TMPRSS3: variants seen among roughly 807,000 people sequenced by gnomAD.
TMPRSS3 encodes the protein transmembrane protease serine 3.
TMPRSS3 carries 55 observed loss-of-function variants against 59.6 expected under a neutral mutation model. The observed-to-expected ratio is 0.92, with a 90% CI of 0.74 to 1.16. The LOEUF (loss-of-function observed/expected upper bound fraction) is 1.16. Ranked by LOEUF, TMPRSS3 falls within the 50% of genes most tolerant of loss-of-function variation. The pLI is 0.00. For synonymous variants in TMPRSS3, 257 were observed against 237.7 expected, an observed-to-expected ratio of 1.08 and a Z score of -0.75; for missense variants, 596 against 579.4, an observed-to-expected ratio of 1.03 and a Z score of -0.29.
intron 7 of TMPRSS3, chr21:42,383,760 C>T (rs2052577187): frequency 1.4e-6 from 1 of 714,788 alleles, no homozygotes; most frequent in Admixed American, 2.0e-5. Context: ...ATGAGTTGCT[C>T]TGGCTGTCTC....
chr21:42,395,440 A>T lies in TMPRSS3; in HGVS notation c.-23T>A. The T allele has an allele frequency of 6.2e-7, 1 of 1,605,314 alleles. No individual in the cohort carries two copies. The highest frequency in any genetic ancestry group is 1.3e-5 in the African/African-American group (1 of 74,864). ...CATGGTGACTATTTCAGGACCTCTG[A>T]CATCCGGCTCCGCCTCCACCTCTAC... On this transcript the variant is annotated 5_prime_UTR_variant, in exon 2 of 13. Transcript: ENST00000644384.
intron 10 of TMPRSS3, 135 bp downstream of exon 10, chr21:42,379,982 A>G: frequency 1.4e-6 from 1 of 733,892 alleles, no homozygotes; most frequent in Non-Finnish European, 2.4e-6. Flanking sequence ...TGTCCCGAGC[A>G]GCTGACATGC....
intron 12 of TMPRSS3, among the ~76,000 whole-genome samples, chr21:42,374,391 G>A (rs1909154092): frequency 6.6e-6 from 1 of 152,236 alleles, no homozygotes; most frequent in South Asian, 2.1e-4. Context: ...CTGTGCCCGT[G>A]GGCACCATTC....
At chr21:42,378,689 T>C (rs2052470423) in intron 10 of TMPRSS3, among the ~76,000 whole-genome samples, 1 of 152,194 alleles carries the variant, frequency 6.6e-6, no homozygotes, top group South Asian at 2.1e-4. Flanking sequence ...CTCAACTGCG[T>C]GTGGAAATAA....
chr21:42,383,473 A>G, intron 7 of TMPRSS3: 7 of 567,920 alleles, frequency 1.2e-5, no homozygotes, highest in Non-Finnish European at 1.9e-5. Flanking sequence ...ACCACTCCCC[A>G]TCCTATTCCC....
intron 10 of TMPRSS3, 63 bp from the exon 11 acceptor site, chr21:42,376,746 G>T (rs1185726226): frequency 2.5e-6 from 4 of 1,610,982 alleles, no homozygotes; most frequent in South Asian, 2.2e-5. Context: ...CACAGAAGGC[G>T]CATGCTGAGA....
intron 6 of TMPRSS3, 40 bp from the exon 7 acceptor site, chr21:42,384,053 A>G: frequency 6.2e-7 from 1 of 1,607,036 alleles, no homozygotes; most frequent in East Asian, 2.2e-5. Context: ...AAAATGCCCC[A>G]GATCTGTGAA....
rs141476064 is a variant in TMPRSS3 at position 42,385,465 on chromosome 21, G to T, written c.516C>A (p.Ile172=). 6.6e-5 allele frequency: 106 copies of T among 1,614,004 alleles called. 1 individual carries two copies. Among genetic ancestry groups the T allele is most frequent in the Admixed American group, 2.3e-4 (14 of 60,000 alleles). Residue 172 remains isoleucine, a synonymous_variant, in exon 6 of 13, where the codon ATC becomes ATA. Coordinates refer to ENST00000644384, the MANE Select transcript of TMPRSS3 (RefSeq NM_001256317.3). ...CCTTGTCATCTGGCAAGAGGTGATC[G>T]ATGGACACAAACTCCTCCCGGAACT... is the stretch of plus-strand genomic sequence containing the variant. ...EGQFREEFVS[I]DHLLPDDKVT... is the part of the protein sequence containing the mutation.
At chr21:42,375,439 G>A (rs569413827) in intron 12 of TMPRSS3, among the ~76,000 whole-genome samples, 3 of 148,744 alleles carry the variant, frequency 2.0e-5, no homozygotes, top group South Asian at 2.1e-4. Context: ...GCTCCTCCTC[G>A]CTGCCTCCTC....
intron 12 of TMPRSS3, 88 bp from the exon 13 acceptor site, chr21:42,372,867 CTGTGGGAAT>C: frequency 6.5e-7 from 1 of 1,528,298 alleles, no homozygotes; most frequent in Non-Finnish European, 9.1e-7. Context: ...GCATTTTGCC[CTGTGGGAAT>C]TGTGGGGCTG....
chr21:42,385,534 G>T lies in TMPRSS3; in HGVS notation c.447C>A (p.Ser149Arg). The change falls in exon 6 of 13, where the codon AGC becomes AGA. Residue 149 changes from serine to arginine, a missense_variant and splice_region_variant. Ser to Arg is a moderately radical substitution (Grantham distance 110, BLOSUM62 -1). Transcript: ENST00000644384. ...CTCTGAGGTTATCTGAACTCACATA[G>T]CTGCAAGCACATTGGAAAGACAGAC... is the stretch of plus-strand genomic sequence containing the variant. ...NVACAQLGFP[S>R]YVSSDNLRVS... 6.2e-7 allele frequency: 1 copy of T among 1,614,106 alleles called. No individual in the cohort carries two copies. Among genetic ancestry groups the T allele is most frequent in the South Asian group, 1.1e-5 (1 of 91,078 alleles).
chr21:42,391,218 T>A (rs1266478927), intron 2 of TMPRSS3, among the ~76,000 whole-genome samples: 1 of 152,170 alleles, frequency 6.6e-6, no homozygotes, highest in African/African-American at 2.4e-5. Context: ...TTGTTTAAAT[T>A]TTTTCTTATA....
rs776779538 is a variant in TMPRSS3 at position 42,380,228 on chromosome 21, C to T, written c.953-16G>A. The T allele has an allele frequency of 1.3e-5, 21 of 1,596,458 alleles. No individual in the cohort carries two copies. In the Admixed American group the frequency reaches 3.2e-4, roughly 24 times the overall value. On this transcript the variant is annotated splice_polypyrimidine_tract_variant and intron_variant, in intron 9 of 12. Coordinates refer to ENST00000644384, the MANE Select transcript of TMPRSS3 (RefSeq NM_001256317.3). Reference sequence around the variant, plus strand: ...TGGATCATTTCTGCTTGAAGGGAAACAATAGTTCACAACTCAATTGAAGCA... The same window carrying T: ...TGGATCATTTCTGCTTGAAGGGAAATAATAGTTCACAACTCAATTGAAGCA...
At chr21:42,393,964 G>C (rs1037088813) in intron 2 of TMPRSS3, among the ~76,000 whole-genome samples, 5 of 152,118 alleles carry the variant, frequency 3.3e-5, no homozygotes, top group African/African-American at 1.2e-4. Flanking sequence ...AATACAAATA[G>C]TACATGTTAC....
At chr21:42,390,851 T>C (rs895479740) in intron 2 of TMPRSS3, among the ~76,000 whole-genome samples, 2 of 151,390 alleles carry the variant, frequency 1.3e-5, no homozygotes, top group African/African-American at 4.9e-5. Context: ...ATGGGAACAA[T>C]GCATCTACAC....
At chr21:42,394,974 C>G (rs984473966) in intron 2 of TMPRSS3, among the ~76,000 whole-genome samples, 1 of 152,184 alleles carries the variant, frequency 6.6e-6, no homozygotes, top group African/African-American at 2.4e-5. Context: ...TTCGGAGGGA[C>G]TGGTGGCCAC....
intron 9 of TMPRSS3, among the ~76,000 whole-genome samples, chr21:42,380,846 T>G (rs2052516129): frequency 6.6e-6 from 1 of 152,252 alleles, no homozygotes. Flanking sequence ...CCCGAGCTTT[T>G]CTGTGCAGAA....
At chr21:42,373,215 C>T (rs547904583) in intron 12 of TMPRSS3, among the ~76,000 whole-genome samples, 35 of 152,370 alleles carry the variant, frequency 2.3e-4, no homozygotes, top group African/African-American at 7.9e-4. Context: ...CTCACGTTGA[C>T]TTTCCTCACA....
intron 6 of TMPRSS3, among the ~76,000 whole-genome samples, chr21:42,384,686 G>T (rs1365118552): frequency 3.3e-5 from 5 of 152,162 alleles, no homozygotes; most frequent in Non-Finnish European, 7.4e-5. Context: ...ACTGCAGGTG[G>T]GTCCCGGGGT....
Sources: allele counts gnomAD v4.1 joint callset (sites outside exome capture counted in the v4.1 genomes callset), GRCh38; gene constraint gnomAD v4.1.1; transcripts MANE v1.5; gene names NCBI Gene and HGNC (gene_info 2026-07-23, HGNC 2026-07-21).